The following CACNG1 variants were observed in gnomAD, a reference collection of about 807,000 sequenced individuals.
CACNG1 encodes voltage-dependent calcium channel gamma-1 subunit.
In CACNG1, 21 loss-of-function variants were observed where a neutral mutation model predicts 22.0. The observed-to-expected ratio is 0.95, with a 90% CI of 0.68 to 1.37. The LOEUF is 1.37. CACNG1 is among the 40% of genes most tolerant of loss of function. The pLI, the probability that CACNG1 is intolerant of heterozygous loss-of-function variation, is 0.00. For synonymous variants in CACNG1, 127 were observed against 129.2 expected (o/e 0.98, Z 0.12); for missense variants, 291 against 308.6 (o/e 0.94, Z 0.43).
At chr17:67,049,668 A>G (rs534501820) in intron 1 of CACNG1, among the ~76,000 whole-genome samples, 99 of 152,118 alleles carry the variant, frequency 6.5e-4, no homozygotes, top group Non-Finnish European at 1.2e-3. Context: ...GAGGTTCTCC[A>G]CTCAAGTCTT....
At position 67,056,125 on chromosome 17, in the gene CACNG1, G is replaced by A. The variant is rs550820114; in HGVS notation, c.523G>A (p.Glu175Lys). ...TGACAGTGAGGACACCGTCTGGATC[G>A]AGTACTATTACTCCTGGTCCTTTGC... ...MIDSEDTVWI[E>K]YYYSWSFACA... Residue 175 changes from glutamate (E) to lysine (K), a missense_variant, in exon 4 of 4, where the codon GAG becomes AAG. Transcript: ENST00000226021. This position sits in a 1 kb window ranked among gnomAD's most constrained non-coding sequence, Gnocchi z 4.3. 33 of 1,613,770 alleles carry A rather than the reference G, an allele frequency of 2.0e-5. No individual in the cohort carries two copies. The highest frequency in any genetic ancestry group is 6.7e-5 in the East Asian group (3 of 44,844).
intron 1 of CACNG1, among the ~76,000 whole-genome samples, chr17:67,052,237 G>A (rs1342531971): frequency 2.6e-5 from 4 of 152,180 alleles, no homozygotes; most frequent in Admixed American, 6.5e-5. Flanking sequence ...AGGTAACGCG[G>A]TTCAAAAGGA....
Position 67,054,978 on chromosome 17 carries a change from GACAC to G in CACNG1, c.305-117_305-114del, listed in dbSNP as rs886785493. On this transcript the variant is annotated intron_variant, in intron 2 of 3. Coordinates refer to ENST00000226021, the MANE Select transcript of CACNG1 (RefSeq NM_000727.4). The surrounding 1 kb of genome is among the most constrained non-coding windows in gnomAD (Gnocchi z 4.6). ...AAGACAGACACAGAGACACACACTTGACACACACACAATGACACACACAGACACT... is the reference window on the plus strand; with the variant it reads ...AAGACAGACACAGAGACACACACTTGACACACAATGACACACACAGACACT... The G allele has an allele frequency of 5.4e-6, 5 of 932,366 alleles. No homozygotes were observed. The highest frequency in any genetic ancestry group is 1.8e-5 in the South Asian group (1 of 56,670). 57.8% of individuals were successfully genotyped at this position (932,366 alleles called of 1,614,324 possible).
At position 67,054,959 on chromosome 17, in the gene CACNG1, GAC is replaced by G. The variant is rs2035751696; in HGVS notation, c.305-140_305-139del. On this transcript the variant is annotated intron_variant, in intron 2 of 3. Coordinates refer to ENST00000226021, the MANE Select transcript of CACNG1 (RefSeq NM_000727.4). The surrounding 1 kb of genome is among the most constrained non-coding windows in gnomAD (Gnocchi z 4.6). ...CACATACAATGACACACACAAGACAGACACAGAGACACACACTTGACACACAC... is the reference window on the plus strand; with the variant it reads ...CACATACAATGACACACACAAGACAGACAGAGACACACACTTGACACACAC... The G allele has an allele frequency of 3.7e-6, 3 of 802,334 alleles. No homozygotes were observed. The highest frequency in any genetic ancestry group is 1.9e-5 in the South Asian group (1 of 51,886). 49.7% of individuals were successfully genotyped at this position (802,334 alleles called of 1,614,324 possible).
rs780745190 is a variant in CACNG1, at chr17:67,044,694, A to C, written c.34A>C (p.Thr12Pro). Residue 12 changes from threonine to proline, a missense_variant, in exon 1 of 4, where the codon ACC (threonine) becomes CCC (proline). Transcript: ENST00000226021. This position sits in a 1 kb window ranked among gnomAD's most constrained non-coding sequence, Gnocchi z 6.9. ...SQTKMLKVRV[T>P]LFCILAGIVL... ...GACCAAAATGCTGAAGGTCCGCGTG[A>C]CCCTCTTCTGCATCCTGGCAGGCAT... is the stretch of plus-strand genomic sequence containing the variant. 6.4e-5 allele frequency: 103 copies of C among 1,609,582 alleles called. No individual in the cohort carries two copies. Among genetic ancestry groups the C allele is most frequent in the Non-Finnish European group, 8.5e-5 (100 of 1,179,904 alleles).
At chr17:67,053,955 G>C (rs766982478) in intron 1 of CACNG1, 41 bp from the exon 2 acceptor site, 2 of 1,487,662 alleles carry the variant, frequency 1.3e-6, no homozygotes, top group East Asian at 2.3e-5. Context: ...CCTTGCTACG[G>C]GTTGCTCCCC....
intron 1 of CACNG1, among the ~76,000 whole-genome samples, chr17:67,050,853 T>G (rs1472280112): frequency 1.3e-5 from 2 of 152,218 alleles, no homozygotes; most frequent in African/African-American, 4.8e-5. Flanking sequence ...ATAACCCATT[T>G]AATATTTTTA....
chr17:67,050,545 A>C lies in CACNG1; in HGVS notation c.230-3451A>C, dbSNP rs188956983. Reference sequence around the variant, plus strand: ...TTTCTTTGGTTTTGGACAAATCCACAAAGTATCTTTGAATATATGAAAGTC... The same window carrying C: ...TTTCTTTGGTTTTGGACAAATCCACCAAGTATCTTTGAATATATGAAAGTC... On this transcript the variant is annotated intron_variant, in intron 1 of 3. Coordinates refer to ENST00000226021, the MANE Select transcript of CACNG1 (RefSeq NM_000727.4). Among the ~76,000 whole-genome samples the C allele has an allele frequency of 1.4e-4, 21 of 152,362 alleles. No homozygotes were observed. In the East Asian group the frequency reaches 4.0e-3, roughly 29 times the overall value.
At chr17:67,047,792 C>T (rs1167254903) in intron 1 of CACNG1, among the ~76,000 whole-genome samples, 2 of 151,998 alleles carry the variant, frequency 1.3e-5, no homozygotes, top group African/African-American at 2.4e-5. Flanking sequence ...CAACATATTC[C>T]TGGGAATCTA....
At position 67,056,287 on chromosome 17, in the gene CACNG1, A is replaced by G. The variant is rs2035761865; in HGVS notation, c.*16A>G. On this transcript the variant is annotated 3_prime_UTR_variant, in exon 4 of 4. Coordinates refer to ENST00000226021, the MANE Select transcript of CACNG1 (RefSeq NM_000727.4). This position sits in a 1 kb window ranked among gnomAD's most constrained non-coding sequence, Gnocchi z 4.3. ...CGAGCACTAACCCTCCTGCGGCCCT[A>G]GCGACCCTCAGGCTTCTTCCCCAGG... is the stretch of plus-strand genomic sequence containing the variant. 1.9e-6 allele frequency: 3 copies of G among 1,608,374 alleles called. No homozygotes were observed. The South Asian group carries it at 3.3e-5, about 18-fold the overall frequency.
Position 67,044,992 on chromosome 17 carries a change from A to C in CACNG1, c.229+103A>C, listed in dbSNP as rs918476335. On this transcript the variant is annotated intron_variant, in intron 1 of 3. Coordinates refer to ENST00000226021, the MANE Select transcript of CACNG1 (RefSeq NM_000727.4). The surrounding 1 kb of genome is among the most constrained non-coding windows in gnomAD (Gnocchi z 6.9). ...AGGAAGGCAGGTTTCTCTGCCTAGA[A>C]ATAGGGCAGCCGCCCAGCCTTTTCT... 1.1e-6 allele frequency: 1 copy of C among 889,132 alleles called. No homozygotes were observed. Among genetic ancestry groups the C allele is most frequent in the Non-Finnish European group, 1.7e-6 (1 of 572,570 alleles). 55.1% of individuals were successfully genotyped at this position (889,132 alleles called of 1,614,324 possible).
Position 67,052,275 on chromosome 17 carries a change from A to G in CACNG1, c.230-1721A>G, listed in dbSNP as rs550230741. Among the ~76,000 whole-genome samples the G allele has an allele frequency of 3.3e-5, 5 of 152,352 alleles. 1 individual carries two copies. In the South Asian group the frequency reaches 1.0e-3, roughly 32 times the overall value. On this transcript the variant is annotated intron_variant, in intron 1 of 3. Coordinates refer to ENST00000226021, the MANE Select transcript of CACNG1 (RefSeq NM_000727.4). ...GTGATTTAAATATAGAAGCACACAG[A>G]GAAGGCTGTTTATGCCAGGAATGGG...
intron 1 of CACNG1, among the ~76,000 whole-genome samples, chr17:67,050,279 A>G (rs145703758): frequency 4.2e-4 from 64 of 152,378 alleles, no homozygotes; most frequent in Admixed American, 1.7e-3. Context: ...ACAGAAGTCC[A>G]TGCCAGAGGC....
In CACNG1 at chr17:67,056,366, C is replaced by T. The variant is rs1009930600; in HGVS notation, c.*95C>T. On this transcript the variant is annotated 3_prime_UTR_variant, in exon 4 of 4. Coordinates refer to ENST00000226021, the MANE Select transcript of CACNG1 (RefSeq NM_000727.4). The surrounding 1 kb of genome is among the most constrained non-coding windows in gnomAD (Gnocchi z 4.3). ...GAGAGGAGGCGGGAGCAATTTTAGC[C>T]CCACCCTGCTCCCATCTGCCCCCCT... The T allele has an allele frequency of 8.3e-6, 9 of 1,084,072 alleles. No homozygotes were observed. In the Admixed American group the frequency reaches 9.6e-5, roughly 12 times the overall value. The allele number at this position is 1,084,072 out of a possible 1,614,324, so 67.2% of individuals were successfully genotyped here. A position where few individuals can be genotyped will look rare whatever the true frequency, so the allele number is the denominator to read the frequency against.
At position 67,044,957 on chromosome 17, in the gene CACNG1, G is replaced by A. The variant is rs16960487; in HGVS notation, c.229+68G>A. 179,515 of 1,353,640 alleles carry A rather than the reference G, an allele frequency of 0.13. 12,833 individuals carry two copies. Among genetic ancestry groups the A allele is most frequent in the Admixed American group, 0.18 (9,156 of 51,650 alleles). The allele number at this position is 1,353,640 out of a possible 1,614,324, so 83.9% of individuals were successfully genotyped here. On this transcript the variant is annotated intron_variant, in intron 1 of 3. Transcript: ENST00000226021. This position sits in a 1 kb window ranked among gnomAD's most constrained non-coding sequence, Gnocchi z 6.9. Reference sequence around the variant, plus strand: ...TCCCCGTCATCCCCCTGGCAAAGTTGCCCTTGCGAAGGAAGGCAGGTTTCT... The same window carrying A: ...TCCCCGTCATCCCCCTGGCAAAGTTACCCTTGCGAAGGAAGGCAGGTTTCT...
rs2035754424 is a variant in CACNG1 at position 67,055,240 on chromosome 17, G to A, written c.442G>A (p.Gly148Ser). ...CGCGTCCATGTTCTATGCCTTTGCA[G>A]GTAGACTGGGGGATCTGCCTGAGCG... ...RPASMFYAFA[G>S]LCILVSVEVM... Residue 148 changes from glycine (G) to serine (S), a missense_variant and splice_region_variant, in exon 3 of 4, where the codon GGT (glycine) becomes AGT (serine). By Grantham distance (56) the Gly-to-Ser change is moderately conservative. Transcript: ENST00000226021. The surrounding 1 kb of genome is among the most constrained non-coding windows in gnomAD (Gnocchi z 4.5). 1.9e-6 allele frequency: 3 copies of A among 1,611,718 alleles called. No individual in the cohort carries two copies. Among genetic ancestry groups the A allele is most frequent in the Non-Finnish European group, 2.5e-6 (3 of 1,178,318 alleles).
intron 1 of CACNG1, among the ~76,000 whole-genome samples, chr17:67,049,435 C>T (rs569674914): frequency 2.0e-5 from 3 of 152,162 alleles, no homozygotes; most frequent in African/African-American, 4.8e-5. Context: ...TAACATTCAC[C>T]GTTTTAGTCA....
chr17:67,049,314 A>G (rs1374229117), intron 1 of CACNG1, among the ~76,000 whole-genome samples: 1 of 152,212 alleles, frequency 6.6e-6, no homozygotes, highest in Non-Finnish European at 1.5e-5. Flanking sequence ...AGGCCATGCT[A>G]TTATCATCAT....
intron 1 of CACNG1, 63 bp from the exon 2 acceptor site, chr17:67,053,933 C>T: frequency 2.4e-6 from 3 of 1,229,308 alleles, no homozygotes; most frequent in Admixed American, 1.7e-5. Flanking sequence ...ACGCTCTCTG[C>T]CAGGCCTCTG....
Sources: gnomAD v4.1 joint callset for allele counts (sites outside exome capture counted in the v4.1 genomes callset) on GRCh38, gnomAD v4.1.1 for gene constraint, Gnocchi (gnomAD v3.1) non-coding constraint, MANE v1.5 for transcripts, NCBI Gene and HGNC (gene_info 2026-07-23, HGNC 2026-07-21) for gene names.